SLC25A21: variants seen among roughly 807,000 people sequenced by gnomAD.
SLC25A21 encodes solute carrier family 25 member 21.
Under a neutral mutation model 43.8 loss-of-function variants are expected in SLC25A21, and 47 were observed. The ratio of observed to expected loss-of-function variants is 1.07; its 90% CI spans 0.85 to 1.37. SLC25A21 has a LOEUF of 1.37. SLC25A21 is among the 40% of genes most tolerant of loss of function. SLC25A21 has a pLI of 0.00. For missense variants in SLC25A21, 352 were observed against 350.2 expected (o/e 1.00, Z -0.04); for synonymous variants, 131 against 121.3 (o/e 1.08, Z -0.52).
intron 6 of SLC25A21, among the ~76,000 whole-genome samples, chr14:36,711,870 A>T (rs988720602): frequency 1.3e-5 from 2 of 152,256 alleles, no homozygotes; most frequent in Admixed American, 6.5e-5. Context: ...AAAGGAATTT[A>T]TATTTGGCTC....
rs191353308 is a variant in SLC25A21, at chr14:37,095,517, C to T, written c.70+76764G>A. Among the ~76,000 whole-genome samples the T allele has an allele frequency of 1.5e-4, 23 of 152,078 alleles. No homozygotes were observed. The East Asian group carries it at 1.7e-3, about 12-fold the overall frequency. On this transcript the variant is annotated intron_variant, in intron 1 of 9. Transcript: ENST00000331299. The stretch of plus-strand genomic sequence containing the variant: ...TGGGCGACAGAGCAAGACTCCATCT[C>T]GACAAACAAACAAACAAATAAATAA...
chr14:36,680,651 T>C lies in SLC25A21; in HGVS notation c.*7A>G, dbSNP rs775796387. On this transcript the variant is annotated 3_prime_UTR_variant, in exon 10 of 10. Transcript: ENST00000331299. ...TATCTCAAGGGGGAAAAACACTTCA[T>C]AGGCAATCACCAGTTCTCTTGAAGC... 15 of 1,612,102 alleles carry C rather than the reference T, an allele frequency of 9.3e-6. No individual in the cohort carries two copies. The highest frequency in any genetic ancestry group is 6.7e-5 in the East Asian group (3 of 44,820).
At chr14:37,126,117 G>C (rs759908062) in intron 1 of SLC25A21, among the ~76,000 whole-genome samples, 1 of 152,098 alleles carries the variant, frequency 6.6e-6, no homozygotes, top group Admixed American at 6.6e-5. Flanking sequence ...CTGCACTGTG[G>C]CCTGGCAATA....
chr14:36,763,735 T>C (rs1445996091), intron 3 of SLC25A21, among the ~76,000 whole-genome samples: 3 of 151,696 alleles, frequency 2.0e-5, no homozygotes, highest in Non-Finnish European at 2.9e-5. Context: ...TTATTAGAAA[T>C]TGTTTAGCTT....
intron 2 of SLC25A21, among the ~76,000 whole-genome samples, chr14:36,866,346 A>T (rs1323379586): frequency 6.6e-6 from 1 of 152,198 alleles, no homozygotes; most frequent in Non-Finnish European, 1.5e-5. Context: ...TGCTCTGTTC[A>T]AAACTGAAAA....
intron 1 of SLC25A21, among the ~76,000 whole-genome samples, chr14:36,928,571 T>TG (rs531755099): frequency 8.6e-4 from 131 of 152,292 alleles, no homozygotes; most frequent in African/African-American, 2.9e-3. Flanking sequence ...CATGCACACT[T>TG]AGGTCTGGGT....
rs1412650395 is a variant in SLC25A21 at position 37,172,337 on chromosome 14, G to A, written c.14C>T (p.Pro5Leu). MSAK[P>L]EVSLVREASR... is the part of the protein sequence containing the mutation. ...AGCCTCGCGCACTAAGCTGACTTCA[G>A]GCTTGGCGGACATCTTCGCCAGGCG... Residue 5 changes from proline to leucine, a missense_variant, in exon 1 of 10, where the codon CCT (proline) becomes CTT (leucine). Physicochemically the swap from Pro to Leu is moderately conservative, Grantham distance 98. Transcript: ENST00000331299. 1 of 1,601,456 alleles carries A rather than the reference G, an allele frequency of 6.2e-7. No homozygotes were observed. The highest frequency in any genetic ancestry group is 1.7e-5 in the Admixed American group (1 of 58,450).
chr14:37,079,389 T>C (rs1054516283), intron 1 of SLC25A21, among the ~76,000 whole-genome samples: 8 of 152,212 alleles, frequency 5.3e-5, no homozygotes, highest in African/African-American at 1.2e-4. Flanking sequence ...TGTCTACCCA[T>C]GTAGCTCAAA....
intron 1 of SLC25A21, among the ~76,000 whole-genome samples, chr14:37,023,644 AC>A: frequency 6.6e-6 from 1 of 152,014 alleles, no homozygotes; most frequent in Non-Finnish European, 1.5e-5. Flanking sequence ...TTTGGCCTTT[AC>A]AATCTCAAGT....
At chr14:36,780,317 A>T (rs1490891912) in intron 3 of SLC25A21, among the ~76,000 whole-genome samples, 1 of 151,684 alleles carries the variant, frequency 6.6e-6, no homozygotes, top group African/African-American at 2.4e-5. Context: ...TTGTTTTTTC[A>T]TCTCTTGTTC....
Position 36,680,286 on chromosome 14 carries a change from T to G in SLC25A21, c.*372A>C. The stretch of plus-strand genomic sequence containing the variant: ...GATTTATTTTCAATAGTTTAAGCAT[T>G]TCTAGACCTCTTAGGAAAAATGCTG... On this transcript the variant is annotated 3_prime_UTR_variant, in exon 10 of 10. Transcript: ENST00000331299. 1 of 974,228 alleles carries G rather than the reference T, an allele frequency of 1.0e-6. No individual in the cohort carries two copies. The highest frequency in any genetic ancestry group is 2.0e-5 in the African/African-American group (1 of 50,676). 60.3% of individuals were successfully genotyped at this position (974,228 alleles called of 1,614,324 possible).
At chr14:37,005,076 C>T (rs1245982254) in intron 1 of SLC25A21, among the ~76,000 whole-genome samples, 2 of 151,816 alleles carry the variant, frequency 1.3e-5, no homozygotes, top group Non-Finnish European at 2.9e-5. Context: ...CTGTACTCAC[C>T]GGAATAATCG....
intron 1 of SLC25A21, among the ~76,000 whole-genome samples, chr14:37,084,550 CAT>C (rs1962447835): frequency 1.3e-5 from 2 of 152,158 alleles, no homozygotes; most frequent in Non-Finnish European, 2.9e-5. Flanking sequence ...TCTAACAAAA[CAT>C]GTTTTTCTAC....
At chr14:36,873,832 T>A (rs1890443465) in intron 2 of SLC25A21, among the ~76,000 whole-genome samples, 1 of 152,154 alleles carries the variant, frequency 6.6e-6, no homozygotes, top group South Asian at 2.1e-4. Context: ...CTCTGTCATG[T>A]AAGTATACAG....
chr14:36,933,042 C>A (rs183228053), intron 1 of SLC25A21, among the ~76,000 whole-genome samples: 2 of 152,210 alleles, frequency 1.3e-5, no homozygotes, highest in East Asian at 3.9e-4. Context: ...CAAAAGCCTA[C>A]TGTAGTTATT....
intron 1 of SLC25A21, among the ~76,000 whole-genome samples, chr14:36,937,688 G>A (rs943369668): frequency 8.5e-5 from 13 of 152,276 alleles, no homozygotes; most frequent in Middle Eastern, 3.4e-3. Context: ...AGGGCTGCGA[G>A]GAGACGGATG....
intron 1 of SLC25A21, among the ~76,000 whole-genome samples, chr14:36,884,236 A>AT (rs1386913935): frequency 2.0e-5 from 3 of 152,068 alleles, no homozygotes; most frequent in African/African-American, 7.2e-5. Context: ...ATCATGCAGT[A>AT]TTTGTCTATT....
intron 1 of SLC25A21, among the ~76,000 whole-genome samples, chr14:37,145,617 A>C (rs1231469090): frequency 2.0e-5 from 3 of 152,112 alleles, no homozygotes; most frequent in Non-Finnish European, 4.4e-5. Flanking sequence ...ATTGACTCAG[A>C]TATCCCTGAG....
intron 3 of SLC25A21, among the ~76,000 whole-genome samples, chr14:36,811,544 T>C (rs1220287773): frequency 6.6e-6 from 1 of 151,990 alleles, no homozygotes; most frequent in Non-Finnish European, 1.5e-5. Context: ...CCAGCTATTT[T>C]GGGAGGCTAA....
Sources: gnomAD v4.1 joint callset for allele counts (sites outside exome capture counted in the v4.1 genomes callset) on GRCh38, gnomAD v4.1.1 for gene constraint, MANE v1.5 for transcripts, NCBI Gene and HGNC (gene_info 2026-07-23, HGNC 2026-07-21) for gene names.